HEXD: variants seen among roughly 807,000 people sequenced by gnomAD.
HEXD encodes N-acetyl-beta-galactosaminidase.
Under a neutral mutation model 54.2 loss-of-function variants are expected in HEXD, and 47 were observed. That is an observed-to-expected ratio of 0.87 (90% CI 0.69 to 1.11). HEXD has a LOEUF of 1.11. Ranked by LOEUF, HEXD falls within the 50% of genes least tolerant of loss-of-function variation. The pLI, the probability that HEXD is intolerant of heterozygous loss-of-function variation, is 0.00. For missense variants in HEXD, 576 were observed against 649.2 expected, an observed-to-expected ratio of 0.89 and a Z score of 1.23; for synonymous variants, 293 against 287.6, an observed-to-expected ratio of 1.02 and a Z score of -0.19.
intron 4 of HEXD, among the ~76,000 whole-genome samples, chr17:82,432,855 A>T (rs1344335819): frequency 6.9e-6 from 1 of 144,700 alleles, no homozygotes; most frequent in Non-Finnish European, 1.5e-5. Context: ...CAAGGTCAGG[A>T]GATCGAGACC....
intron 2 of HEXD, among the ~76,000 whole-genome samples, chr17:82,422,510 C>A (rs2053265624): frequency 6.6e-6 from 1 of 151,042 alleles, no homozygotes; most frequent in African/African-American, 2.4e-5. Context: ...AAAAAAAAGC[C>A]CAGAAATGTG....
Position 82,418,480 on chromosome 17 carries a change from A to G in HEXD, c.-312A>G. ...CCTTGGTTGCGGCCCTCCGCTGAGG[A>G]GCCATCGGACCAGGCCGCCGCGGAG... On this transcript the variant is annotated 5_prime_UTR_variant, in exon 1 of 13. Coordinates refer to ENST00000327949, the MANE Select transcript of HEXD (RefSeq NM_001330542.2). 6.8e-7 allele frequency: 1 copy of G among 1,461,640 alleles called. No individual in the cohort carries two copies. Among genetic ancestry groups the G allele is most frequent in the Non-Finnish European group, 9.0e-7 (1 of 1,111,548 alleles). The allele number at this position is 1,461,640 out of a possible 1,614,324, so 90.5% of individuals were successfully genotyped here. A position where few individuals can be genotyped will look rare whatever the true frequency, so the allele number is the denominator to read the frequency against.
At chr17:82,438,419 G>A (rs2143604613) in intron 8 of HEXD, among the ~76,000 whole-genome samples, 1 of 152,326 alleles carries the variant, frequency 6.6e-6, no homozygotes, top group South Asian at 2.1e-4. Flanking sequence ...TTCCTCAGCT[G>A]TAAAAATCCT....
intron 3 of HEXD, chr17:82,426,504 G>C (rs1315450144): frequency 6.6e-6 from 1 of 152,190 alleles, no homozygotes; most frequent in Non-Finnish European, 1.5e-5. Context: ...TTAACACCCA[G>C]GACCCAGAGG....
At chr17:82,436,900 G>A in intron 7 of HEXD, 162 bp downstream of exon 7, 1 of 669,592 alleles carries the variant, frequency 1.5e-6, no homozygotes, top group Non-Finnish European at 2.5e-6. Context: ...CCTCGGGACG[G>A]CCACCGTGCA....
chr17:82,442,282 C>T lies in HEXD; in HGVS notation c.1359C>T (p.Pro453=). 3.7e-6 allele frequency: 6 copies of T among 1,607,810 alleles called. No homozygotes were observed. Among genetic ancestry groups the T allele is most frequent in the South Asian group, 1.1e-5 (1 of 91,084 alleles). The change falls in exon 13 of 13, where the codon CCC becomes CCT. Residue 453 remains proline, a synonymous_variant. Transcript: ENST00000327949. This position sits in a 1 kb window ranked among gnomAD's most constrained non-coding sequence, Gnocchi z 6.8. ...VEEWLEENVH[P]SLQRLQALLQ... ...AGTGGCTGGAGGAAAACGTGCACCCCAGCCTGCAGCGGCTGCAAGCTCTGC... is the reference window on the plus strand; with the variant it reads ...AGTGGCTGGAGGAAAACGTGCACCCTAGCCTGCAGCGGCTGCAAGCTCTGC...
chr17:82,442,583 C>T lies in HEXD; in HGVS notation c.*199C>T, dbSNP rs752329064. The T allele has an allele frequency of 1.1e-5, 17 of 1,572,622 alleles. No individual in the cohort carries two copies. The highest frequency in any genetic ancestry group is 2.7e-5 in the African/African-American group (2 of 74,046). On this transcript the variant is annotated 3_prime_UTR_variant, in exon 13 of 13. Coordinates refer to ENST00000327949, the MANE Select transcript of HEXD (RefSeq NM_001330542.2). The surrounding 1 kb of genome is among the most constrained non-coding windows in gnomAD (Gnocchi z 6.8). Reference sequence around the variant, plus strand: ...CAGAAGGAAGCAGCACAGGGAGACCCGCTTTGTGATCTGCATGTGTGACAC... The same window carrying T: ...CAGAAGGAAGCAGCACAGGGAGACCTGCTTTGTGATCTGCATGTGTGACAC...
rs1567892982 is a variant in HEXD at position 82,435,870 on chromosome 17, C to T, written c.629C>T (p.Ala210Val). 2.5e-6 allele frequency: 4 copies of T among 1,603,040 alleles called. No individual in the cohort carries two copies. The highest frequency in any genetic ancestry group is 8.5e-7 in the Non-Finnish European group (1 of 1,175,492). The change falls in exon 6 of 13, where the codon GCA becomes GTA. Residue 210 changes from alanine (A) to valine (V), a missense_variant and splice_region_variant. Transcript: ENST00000327949. Reference sequence around the variant, plus strand: ...CGAGACCTGCCTGAGGACCAGCTCGCAGGTCGGCCAACAGGGCTGGGGGAG... The same window carrying T: ...CGAGACCTGCCTGAGGACCAGCTCGTAGGTCGGCCAACAGGGCTGGGGGAG... ...MLRDLPEDQLAASGVPQLVEP... is the reference protein window; with the variant it reads ...MLRDLPEDQLVASGVPQLVEP...
intron 3 of HEXD, chr17:82,425,801 CTA>C (rs1156445887): frequency 6.6e-5 from 10 of 152,206 alleles, no homozygotes; most frequent in African/African-American, 1.7e-4. Flanking sequence ...AACCCCATCT[CTA>C]TGTGAAATAC....
chr17:82,428,464 C>G, intron 3 of HEXD, 94 bp from the exon 4 acceptor site: 1 of 995,974 alleles, frequency 1.0e-6, no homozygotes, highest in Non-Finnish European at 1.6e-6. Flanking sequence ...TCCCGGAGAG[C>G]CCCCCAGGGC....
Position 82,439,704 on chromosome 17 carries a change from C to G in HEXD, c.973C>G (p.Leu325Val). Residue 325 changes from leucine (L) to valine (V), a missense_variant, in exon 9 of 13, where the codon CTT becomes GTT. By Grantham distance (32) the Leu-to-Val change is conservative. Coordinates refer to ENST00000327949, the MANE Select transcript of HEXD (RefSeq NM_001330542.2). ...VPSLAACLQL[L>V]LRGGFDEDVK... ...GTCCCTGGCCGCCTGCCTGCAGTTG[C>G]TTCTACGCGGTATGTCTGGTCTGGC... The G allele has an allele frequency of 1.2e-6, 2 of 1,600,104 alleles. No homozygotes were observed. Among genetic ancestry groups the G allele is most frequent in the Non-Finnish European group, 1.7e-6 (2 of 1,179,446 alleles).
At position 82,435,903 on chromosome 17, in the gene HEXD, G is replaced by A. The variant is rs539040986; in HGVS notation, c.631+31G>A. The stretch of plus-strand genomic sequence containing the variant: ...CCAACAGGGCTGGGGGAGGGGGTGG[G>A]CCACTGAACTGCCCAAGACCTGCGG... On this transcript the variant is annotated intron_variant, in intron 6 of 12. Coordinates refer to ENST00000327949, the MANE Select transcript of HEXD (RefSeq NM_001330542.2). 6.9e-6 allele frequency: 11 copies of A among 1,586,404 alleles called. No homozygotes were observed. In the African/African-American group the frequency reaches 9.4e-5, roughly 14 times the overall value.
rs765032022 is a variant in HEXD at position 82,441,853 on chromosome 17, C to A, written c.1217C>A (p.Pro406Gln). 1.2e-6 allele frequency: 2 copies of A among 1,613,188 alleles called. No homozygotes were observed. Among genetic ancestry groups the A allele is most frequent in the Non-Finnish European group, 1.7e-6 (2 of 1,179,984 alleles). ...PYHRQRKLIH[P>Q]VMVQHIQPAA... is the part of the protein sequence containing the mutation. ...CACCGCCAGCGGAAGCTCATCCACC[C>A]GGTCATGGTTCAGCACATCCAGCCC... Residue 406 changes from proline (P) to glutamine (Q), a missense_variant, in exon 12 of 13, where the codon CCG becomes CAG. Physicochemically the swap from Pro to Gln is moderately conservative, Grantham distance 76. Coordinates refer to ENST00000327949, the MANE Select transcript of HEXD (RefSeq NM_001330542.2).
At chr17:82,430,669 G>C (rs557590230) in intron 4 of HEXD, among the ~76,000 whole-genome samples, 1 of 152,262 alleles carries the variant, frequency 6.6e-6, no homozygotes, top group South Asian at 2.1e-4. Context: ...GATTACAGGC[G>C]TGAGCCACGG....
In HEXD at chr17:82,433,725, C is replaced by G; in HGVS notation, c.350C>G (p.Pro117Arg). The G allele has an allele frequency of 6.2e-7, 1 of 1,613,246 alleles. No individual in the cohort carries two copies. Among genetic ancestry groups the G allele is most frequent in the Non-Finnish European group, 8.5e-7 (1 of 1,179,844 alleles). ...GGCTCCTTCCCCTGCACCCTGAACC[C>G]CCACGAGGCAGAGTCCCTGGCGCTG... ...EVGSFPCTLN[P>R]HEAESLALVG... Residue 117 changes from proline (P) to arginine (R), a missense_variant, in exon 5 of 13, where the codon CCC becomes CGC. Transcript: ENST00000327949.
At chr17:82,428,716 G>T in intron 4 of HEXD, 71 bp downstream of exon 4, 1 of 1,317,976 alleles carries the variant, frequency 7.6e-7, no homozygotes, top group Non-Finnish European at 1.1e-6. Flanking sequence ...GGCCAGGCTT[G>T]TGCCCAGGGG....
At chr17:82,441,966 A>G (rs2053993574) in intron 12 of HEXD, 77 bp downstream of exon 12, 1 of 1,450,070 alleles carries the variant, frequency 6.9e-7, no homozygotes, top group Non-Finnish European at 9.6e-7. Context: ...ATGTCCCTCA[A>G]CTAGAGAGCA....
At chr17:82,439,520 C>G in intron 8 of HEXD, 111 bp from the exon 9 acceptor site, 1 of 1,476,718 alleles carries the variant, frequency 6.8e-7, no homozygotes, top group Non-Finnish European at 8.9e-7. Flanking sequence ...GCCCCCAGCG[C>G]TGATGTAGCC....
Position 82,439,714 on chromosome 17 carries a change from GTA to G in HEXD, c.982+3_982+4del. On this transcript the variant is annotated splice_donor_variant and splice_donor_region_variant and intron_variant, in intron 9 of 12. Coordinates refer to ENST00000327949, the MANE Select transcript of HEXD (RefSeq NM_001330542.2). LOFTEE classifies it high-confidence loss of function. The stretch of plus-strand genomic sequence containing the variant: ...GCCTGCCTGCAGTTGCTTCTACGCG[GTA>G]TGTCTGGTCTGGCCACCCCAAGCCC... 1 of 1,599,828 alleles carries G rather than the reference GTA, an allele frequency of 6.3e-7. No individual in the cohort carries two copies.
Sources: allele counts gnomAD v4.1 joint callset (sites outside exome capture counted in the v4.1 genomes callset), GRCh38; gene constraint gnomAD v4.1.1; non-coding constraint Gnocchi (gnomAD v3.1); transcripts MANE v1.5; gene names NCBI Gene and HGNC (gene_info 2026-07-23, HGNC 2026-07-21).